Variants in NPC1L1 observed in about 807,000 individuals in gnomAD.
NPC1L1 encodes NPC1-like intracellular cholesterol transporter 1.
A neutral mutation model predicts 117.0 loss-of-function variants in NPC1L1; 98 were observed. That is an observed-to-expected ratio of 0.84 (90% CI 0.71 to 0.99). The LOEUF is 0.99. Among genes scored for constraint, NPC1L1 ranks in the 50% least tolerant of loss-of-function variants. NPC1L1 has a pLI of 0.00. For synonymous variants in NPC1L1, 729 were observed against 727.6 expected (o/e 1.00, Z -0.03); for missense variants, 1,540 against 1,710.0 (o/e 0.90, Z 1.75).
chr7:44,532,535 C>G (rs1801739494), intron 8 of NPC1L1, among the ~76,000 whole-genome samples: 1 of 152,196 alleles, frequency 6.6e-6, no homozygotes, highest in Non-Finnish European at 1.5e-5. Context: ...CCTGAAACAG[C>G]AAGATCAAGC....
In NPC1L1 at chr7:44,533,350, G is replaced by T. The variant is rs527448114; in HGVS notation, c.2409+81C>A. 3 of 1,575,018 alleles carry T rather than the reference G, an allele frequency of 1.9e-6. No homozygotes were observed. In the East Asian group the frequency reaches 6.7e-5, roughly 35 times the overall value. On this transcript the variant is annotated intron_variant, in intron 8 of 18. Transcript: ENST00000381160. Reference sequence around the variant, plus strand: ...CCACCCCATTCTCTGGGCCATCTCTGTGGTGGTAAAGCCACCCCATCTCCC... The same window carrying T: ...CCACCCCATTCTCTGGGCCATCTCTTTGGTGGTAAAGCCACCCCATCTCCC...
intron 18 of NPC1L1, among the ~76,000 whole-genome samples, chr7:44,514,135 G>A (rs966269834): frequency 2.6e-5 from 4 of 152,140 alleles, no homozygotes; most frequent in East Asian, 3.9e-4. Context: ...TACCTGCCTC[G>A]GGGGTAGTAA....
intron 14 of NPC1L1, among the ~76,000 whole-genome samples, chr7:44,520,229 G>C (rs927995788): frequency 1.3e-5 from 2 of 151,806 alleles, no homozygotes; most frequent in Non-Finnish European, 2.9e-5. Flanking sequence ...GCAGTGAGCC[G>C]AGATTGCACC....
intron 18 of NPC1L1, among the ~76,000 whole-genome samples, chr7:44,514,243 C>T (rs1433542373): frequency 6.6e-6 from 1 of 152,216 alleles, no homozygotes; most frequent in Non-Finnish European, 1.5e-5. Flanking sequence ...AATTGAACTC[C>T]TCCCAGCTTG....
chr7:44,519,869 G>A (rs900210933), intron 14 of NPC1L1, among the ~76,000 whole-genome samples: 9 of 150,886 alleles, frequency 6.0e-5, no homozygotes, highest in East Asian at 1.9e-4. Context: ...GCAGTGTTGC[G>A]ATCACAGTTC....
rs373659141 is a variant in NPC1L1 at position 44,520,753 on chromosome 7, G to T, written c.3136+12C>A. ...GATTTATGTCCTCCCCTCCAGGCAA[G>T]GCCATGCTTACCTAAAACCTGGCCA... On this transcript the variant is annotated intron_variant, in intron 14 of 18. Coordinates refer to ENST00000381160, the MANE Select transcript of NPC1L1 (RefSeq NM_001101648.2). 6 of 1,613,244 alleles carry T rather than the reference G, an allele frequency of 3.7e-6. No homozygotes were observed. In the African/African-American group the frequency reaches 6.7e-5, roughly 18 times the overall value.
At chr7:44,515,403 C>T (rs1171158420) in intron 18 of NPC1L1, among the ~76,000 whole-genome samples, 1 of 152,236 alleles carries the variant, frequency 6.6e-6, no homozygotes, top group East Asian at 1.9e-4. Context: ...TATCAGAATG[C>T]TTCACATGTA....
chr7:44,521,008 T>A lies in NPC1L1; in HGVS notation c.3064A>T (p.Ile1022Phe). The A allele has an allele frequency of 6.2e-7, 1 of 1,614,158 alleles. No homozygotes were observed. Among genetic ancestry groups the A allele is most frequent in the Non-Finnish European group, 8.5e-7 (1 of 1,180,012 alleles). ...CAAGCTTACCCTTTGGGACATTTGA[T>A]GTTGGGCCGGTCGTTCAGGAACCAG... ...LPWFLNDRPN[I>F]KCPKGGLAAY... The change falls in exon 13 of 19, where the codon ATC becomes TTC. Residue 1022 changes from isoleucine to phenylalanine, a missense_variant. Coordinates refer to ENST00000381160, the MANE Select transcript of NPC1L1 (RefSeq NM_001101648.2).
intron 5 of NPC1L1, among the ~76,000 whole-genome samples, chr7:44,535,324 G>A (rs511717): frequency 0.034 from 5,068 of 150,954 alleles, 292 homozygotes; most frequent in African/African-American, 0.12. Flanking sequence ...AGATCGCGCC[G>A]TTACACTGCA....
intron 10 of NPC1L1, among the ~76,000 whole-genome samples, chr7:44,528,771 C>G (rs930009605): frequency 6.6e-6 from 1 of 152,086 alleles, no homozygotes; most frequent in Non-Finnish European, 1.5e-5. Flanking sequence ...ACTCTCCAAT[C>G]AAAAGAGAGT....
chr7:44,513,382 A>G lies in NPC1L1; in HGVS notation c.*65T>C. On this transcript the variant is annotated 3_prime_UTR_variant, in exon 19 of 19. Transcript: ENST00000381160. The stretch of plus-strand genomic sequence containing the variant: ...GGAGGGCGTGTGTCAAGGGGCAGTC[A>G]CAAGGAAGATCCCCATAACCCTTTG... 6.7e-7 allele frequency: 1 copy of G among 1,496,438 alleles called. No homozygotes were observed. The highest frequency in any genetic ancestry group is 9.3e-7 in the Non-Finnish European group (1 of 1,074,252). 92.7% of individuals were successfully genotyped at this position (1,496,438 alleles called of 1,614,324 possible). A position where few individuals can be genotyped will look rare whatever the true frequency, so the allele number is the denominator to read the frequency against.
Position 44,512,975 on chromosome 7 carries a change from C to A in NPC1L1, c.*472G>T, listed in dbSNP as rs1343961694. On this transcript the variant is annotated 3_prime_UTR_variant, in exon 19 of 19. Transcript: ENST00000381160. ...CCACAGCGTTGGCTCTTGGCCTGAG[C>A]CTTTGCCTCTCTCTGGCCTCCTGTG... The A allele has an allele frequency of 4.7e-6, 1 of 212,020 alleles. No homozygotes were observed. The highest frequency in any genetic ancestry group is 2.3e-5 in the African/African-American group (1 of 43,874). 13.1% of individuals were successfully genotyped at this position (212,020 alleles called of 1,614,324 possible).
chr7:44,529,724 T>C (rs1180791482), intron 10 of NPC1L1, among the ~76,000 whole-genome samples: 1 of 151,420 alleles, frequency 6.6e-6, no homozygotes, highest in Non-Finnish European at 1.5e-5. Context: ...GTGCCTAGAG[T>C]GGTCAAACTC....
intron 14 of NPC1L1, among the ~76,000 whole-genome samples, chr7:44,517,618 T>C (rs1392556585): frequency 6.6e-6 from 1 of 152,118 alleles, no homozygotes; most frequent in Admixed American, 6.6e-5. Context: ...CCTACAGAGA[T>C]CTCCCTAGTG....
Position 44,516,954 on chromosome 7 carries a change from G to T in NPC1L1, c.3288-20C>A. 6.2e-7 allele frequency: 1 copy of T among 1,605,818 alleles called. No individual in the cohort carries two copies. Among genetic ancestry groups the T allele is most frequent in the Non-Finnish European group, 8.5e-7 (1 of 1,175,290 alleles). ...GTGATCCTGCCAGAGCACAGAGCAT[G>T]GTCACAGGCTCAGGCCTCTGGGGCC... is the stretch of plus-strand genomic sequence containing the variant. On this transcript the variant is annotated intron_variant, in intron 15 of 18. Coordinates refer to ENST00000381160, the MANE Select transcript of NPC1L1 (RefSeq NM_001101648.2).
chr7:44,532,214 A>G lies in NPC1L1; in HGVS notation c.2413T>C (p.Ser805Pro). The change falls in exon 9 of 19, where the codon TCC becomes CCC. Residue 805 changes from serine (S) to proline (P), a missense_variant. Ser to Pro is a moderately conservative substitution (Grantham distance 74). This residue lies in a region of NPC1L1 where 742 missense variants were observed against 873.6 expected (regional missense o/e 0.85). Coordinates refer to ENST00000381160, the MANE Select transcript of NPC1L1 (RefSeq NM_001101648.2). Reference sequence around the variant, plus strand: ...ACACAGCAGCAGACGTCCAACCGGGAGGCCTGGAGTGGGAGGCACCCCCTC... The same window carrying G: ...ACACAGCAGCAGACGTCCAACCGGGGGGCCTGGAGTGGGAGGCACCCCCTC... ...LSLDSKRQEA[S>P]RLDVCCCVKP... 6.2e-7 allele frequency: 1 copy of G among 1,613,570 alleles called. No homozygotes were observed. Among genetic ancestry groups the G allele is most frequent in the Non-Finnish European group, 8.5e-7 (1 of 1,179,920 alleles).
Position 44,538,823 on chromosome 7 carries a change from CA to C in NPC1L1, c.1573del (p.Cys525ValfsTer16). On this transcript the variant is annotated frameshift_variant, in exon 2 of 19. Transcript: ENST00000381160. LOFTEE classifies it high-confidence loss of function. The surrounding 1 kb of genome is among the most constrained non-coding windows in gnomAD (Gnocchi z 5.9). ...QVDWKDHFLY[C>X]ANAPLTFKDG... is the part of the protein sequence containing the mutation. ...GGCCCCACCATGGACTCACTTGGCACAGTACAGAAAATGGTCCTTCCAGTCG... is the reference window on the plus strand; with the variant it reads ...GGCCCCACCATGGACTCACTTGGCACGTACAGAAAATGGTCCTTCCAGTCG... 6.2e-7 allele frequency: 1 copy of C among 1,614,150 alleles called. No homozygotes were observed. Among genetic ancestry groups the C allele is most frequent in the Non-Finnish European group, 8.5e-7 (1 of 1,180,028 alleles).
rs772019231 is a variant in NPC1L1, at chr7:44,539,393, G to A, written c.1004C>T (p.Thr335Ile). The A allele has an allele frequency of 9.9e-6, 16 of 1,613,976 alleles. No individual in the cohort carries two copies. Among genetic ancestry groups the A allele is most frequent in the Non-Finnish European group, 1.3e-5 (15 of 1,179,978 alleles). Reference protein sequence around the residue: ...LSDKLSFSTHTLLGQFFQGWG... With the variant: ...LSDKLSFSTHILLGQFFQGWG... ...GCCCTGGAAGAACTGGCCAAGGAGG[G>A]TGTGGGTGGAGAAGCTGAGCTTGTC... The change falls in exon 2 of 19, where the codon ACC becomes ATC. Residue 335 changes from threonine (T) to isoleucine (I), a missense_variant. Physicochemically the swap from Thr to Ile is moderately conservative, Grantham distance 89. Transcript: ENST00000381160. This position sits in a 1 kb window ranked among gnomAD's most constrained non-coding sequence, Gnocchi z 4.4.
intron 2 of NPC1L1, among the ~76,000 whole-genome samples, chr7:44,537,339 G>A (rs982336417): frequency 1.3e-5 from 2 of 152,180 alleles, no homozygotes; most frequent in South Asian, 2.1e-4. Flanking sequence ...CTGAAGTCCC[G>A]TGAGGGTGGA....
Sources: gnomAD v4.1 joint callset for allele counts (sites outside exome capture counted in the v4.1 genomes callset) on GRCh38, gnomAD v4.1.1 for gene constraint, gnomAD v4.1.1 regional missense constraint, Gnocchi (gnomAD v3.1) non-coding constraint, MANE v1.5 for transcripts, NCBI Gene and HGNC (gene_info 2026-07-23, HGNC 2026-07-21) for gene names.